KANK2: variants seen among roughly 807,000 people sequenced by gnomAD.
KANK2 encodes KN motif and ankyrin repeat domain-containing protein 2.
Under a neutral mutation model 74.6 loss-of-function variants are expected in KANK2, and 41 were observed. The observed-to-expected ratio is 0.55, with a 90% CI of 0.43 to 0.71. KANK2 has a LOEUF of 0.71. KANK2 is among the 30% of genes least tolerant of loss of function. The probability of loss-of-function intolerance (pLI) is 0.00; values close to 1 mark genes in which losing one functional copy is unlikely to be tolerated. For synonymous variants in KANK2, 537 were observed against 519.0 expected (o/e 1.03, Z -0.47); for missense variants, 1,148 against 1,196.4 (o/e 0.96, Z 0.60).
chr19:11,190,141 C>CT (rs2078798915), intron 4 of KANK2, among the ~76,000 whole-genome samples: 1 of 1,806 alleles, frequency 5.5e-4, no homozygotes, highest in African/African-American at 2.6e-3. Context: ...TTTTTCTTTT[C>CT]TTTTCTTTTT....
chr19:11,171,846 TA>T (rs201648567), intron 10 of KANK2, among the ~76,000 whole-genome samples: 23 of 148,144 alleles, frequency 1.6e-4, no homozygotes, highest in South Asian at 2.1e-4. Context: ...AATTTTTATA[TA>T]TTTTTTTTAG....
intron 4 of KANK2, among the ~76,000 whole-genome samples, chr19:11,187,008 A>G (rs1445126630): frequency 6.6e-6 from 1 of 152,160 alleles, no homozygotes; most frequent in African/African-American, 2.4e-5. Context: ...CTGTAATCCC[A>G]GAACTTTGGG....
chr19:11,170,212 C>T lies in KANK2; in HGVS notation c.2248G>A (p.Gly750Arg), dbSNP rs778884324. Reference protein sequence around the residue: ...QTALMLAVSHGRVDVVKALLA... With the variant: ...QTALMLAVSHRRVDVVKALLA... ...AGGGCTTTGACAACGTCCACCCGCC[C>T]GTGGCTGACGGCCAGCATCAGGGCC... The change falls in exon 11 of 13, where the codon GGG becomes AGG. Residue 750 changes from glycine (G) to arginine (R), a missense_variant. Physicochemically the swap from Gly to Arg is moderately radical, Grantham distance 125. Coordinates refer to ENST00000586659, the MANE Select transcript of KANK2 (RefSeq NM_001136191.3). The surrounding 1 kb of genome is among the most constrained non-coding windows in gnomAD (Gnocchi z 5.2). The T allele has an allele frequency of 8.8e-5, 141 of 1,610,716 alleles. No homozygotes were observed. The highest frequency in any genetic ancestry group is 3.3e-4 in the Middle Eastern group (2 of 6,084).
chr19:11,178,599 G>A lies in KANK2; in HGVS notation c.1371C>T (p.Pro457=), dbSNP rs1480245499. Residue 457 remains proline, a synonymous_variant, in exon 5 of 13, where the codon CCC becomes CCT. Transcript: ENST00000586659. The part of the protein sequence containing the change: ...VPTQEPTHRE[P]TRQAASQESE... ...ACTCTTGGGAGGCTGCTTGCCTGGTGGGCTCCCTGTGGGTGGGCTCCTGGG... is the reference window on the plus strand; with the variant it reads ...ACTCTTGGGAGGCTGCTTGCCTGGTAGGCTCCCTGTGGGTGGGCTCCTGGG... 1 of 1,604,194 alleles carries A rather than the reference G, an allele frequency of 6.2e-7. No homozygotes were observed.
rs760464833 is a variant in KANK2, at chr19:11,166,618, CAG to C, written c.2503-9_2503-8del. ...CATCTGACATTGGGGCAAACTGAAA[CAG>C]AGAAGCAGAATTCTTTTTGTTTGGG... On this transcript the variant is annotated splice_region_variant and splice_polypyrimidine_tract_variant and intron_variant, in intron 12 of 12. Coordinates refer to ENST00000586659, the MANE Select transcript of KANK2 (RefSeq NM_001136191.3). 116 of 1,614,060 alleles carry C rather than the reference CAG, an allele frequency of 7.2e-5. No homozygotes were observed. The South Asian group carries it at 1.2e-3, about 16-fold the overall frequency.
rs755394111 is a variant in KANK2 at position 11,193,003 on chromosome 19, A to G, written c.1077T>C (p.Pro359=). The G allele has an allele frequency of 6.2e-7, 1 of 1,613,606 alleles. No homozygotes were observed. Among genetic ancestry groups the G allele is most frequent in the African/African-American group, 1.3e-5 (1 of 74,934 alleles). Residue 359 remains proline (P), a synonymous_variant, in exon 4 of 13, where the codon CCT becomes CCC. Transcript: ENST00000586659. The surrounding 1 kb of genome is among the most constrained non-coding windows in gnomAD (Gnocchi z 9.6). Reference sequence around the variant, plus strand: ...CCAGGGCCCTCAGCCCTGTGCCGTAAGGCTCCAGGCTCTGGGCCCGCTGTG... The same window carrying G: ...CCAGGGCCCTCAGCCCTGTGCCGTAGGGCTCCAGGCTCTGGGCCCGCTGTG... ...APAQRAQSLE[P]YGTGLRALAM... is the part of the protein sequence containing the mutation.
intron 12 of KANK2, 149 bp from the exon 13 acceptor site, chr19:11,166,760 C>A (rs1269149890): frequency 1.1e-5 from 8 of 696,118 alleles, no homozygotes; most frequent in Non-Finnish European, 1.8e-5. Flanking sequence ...GGGGGCACCG[C>A]CTTGAAGAAG....
In KANK2 at chr19:11,174,957, CT is replaced by C. The variant is rs573242892; in HGVS notation, c.1849-266del. Among the ~76,000 whole-genome samples the C allele has an allele frequency of 0.11, 15,556 of 140,610 alleles. 1,366 individuals are homozygous for C. Among genetic ancestry groups the C allele is most frequent in the African/African-American group, 0.26 (10,061 of 38,002 alleles). The allele number at this position is 140,610 out of a possible 152,430, so 92.2% of individuals were successfully genotyped here. On this transcript the variant is annotated intron_variant, in intron 8 of 12. Coordinates refer to ENST00000586659, the MANE Select transcript of KANK2 (RefSeq NM_001136191.3). ...CCCTGGATATAATTTCTCTCTCTCT[CT>C]TTTTTTTTTTTTTTTGTGAGACAGA... is the stretch of plus-strand genomic sequence containing the variant.
chr19:11,185,790 C>G (rs75404143), intron 4 of KANK2, among the ~76,000 whole-genome samples: 4,096 of 133,440 alleles, frequency 0.031, 379 homozygotes, highest in African/African-American at 0.1. Flanking sequence ...CATTTATAAT[C>G]CCAGGGCTTT....
chr19:11,178,694 A>C lies in KANK2; in HGVS notation c.1276T>G (p.Ser426Ala). Residue 426 changes from serine (S) to alanine (A), a missense_variant, in exon 5 of 13, where the codon TCT (serine) becomes GCT (alanine). Transcript: ENST00000586659. ...AGLPEVPAES[S>A]SSPPGSEVAS... The stretch of plus-strand genomic sequence containing the variant: ...ACCTCGGACCCCGGGGGTGACGAAG[A>C]CGATTCGGCAGGAACTTCTGGGAGG... 6.5e-7 allele frequency: 1 copy of C among 1,538,002 alleles called. No homozygotes were observed. The highest frequency in any genetic ancestry group is 8.7e-7 in the Non-Finnish European group (1 of 1,147,892).
intron 9 of KANK2, 122 bp from the exon 10 acceptor site, chr19:11,173,245 G>A: frequency 9.8e-7 from 1 of 1,018,740 alleles, no homozygotes; most frequent in Non-Finnish European, 1.4e-6. Context: ...TTTTCTCAGA[G>A]GACCCCACTC....
chr19:11,191,022 T>A (rs1310013641), intron 4 of KANK2, among the ~76,000 whole-genome samples: 1 of 141,104 alleles, frequency 7.1e-6, no homozygotes, highest in South Asian at 2.4e-4. Context: ...TGAGCCACCG[T>A]GCCCAGCCAG....
intron 6 of KANK2, 152 bp downstream of exon 6, chr19:11,178,193 G>T: frequency 1.4e-6 from 1 of 730,782 alleles, no homozygotes; most frequent in Non-Finnish European, 2.0e-6. Context: ...GCCTTCCTAT[G>T]CCTCAGTTTC....
chr19:11,186,391 A>G lies in KANK2; in HGVS notation c.1249+6440T>C, dbSNP rs141263286. On this transcript the variant is annotated intron_variant, in intron 4 of 12. Transcript: ENST00000586659. ...AAACAGAGCAAGACTCTGTCTCAAC[A>G]AATAAAAAAAGAAAGAAAGAAGAGG... 1.0e-3 allele frequency among the ~76,000 whole-genome samples: 150 copies of G among 149,172 alleles called. 2 individuals carry two copies. In the South Asian group the frequency reaches 0.018, roughly 18 times the overall value.
At position 11,166,482 on chromosome 19, in the gene KANK2, A is replaced by G; in HGVS notation, c.*76T>C. ...GGAGTGTGAGTGGGGTGGGCCAGGG[A>G]GGAACGGGAACAGGGAGGAGACGGG... On this transcript the variant is annotated 3_prime_UTR_variant, in exon 13 of 13. Transcript: ENST00000586659. 5 of 1,372,638 alleles carry G rather than the reference A, an allele frequency of 3.6e-6. No homozygotes were observed. The Admixed American group carries it at 6.7e-5, about 19-fold the overall frequency. The allele number at this position is 1,372,638 out of a possible 1,614,324, so 85.0% of individuals were successfully genotyped here. A position where few individuals can be genotyped will look rare whatever the true frequency, so the allele number is the denominator to read the frequency against.
chr19:11,184,873 G>A (rs767045284), intron 4 of KANK2, among the ~76,000 whole-genome samples: 4 of 146,664 alleles, frequency 2.7e-5, no homozygotes, highest in Non-Finnish European at 4.5e-5. Context: ...GGGCAATGGC[G>A]TGATCTCAGC....
At chr19:11,189,603 C>CAAAAAAAAA (rs56203270) in intron 4 of KANK2, among the ~76,000 whole-genome samples, 4 of 43,140 alleles carry the variant, frequency 9.3e-5, no homozygotes, top group Non-Finnish European at 1.2e-4. Context: ...GACTCTGTCT[C>CAAAAAAAAA]AAAAAAAAAA....
chr19:11,184,708 T>C lies in KANK2; in HGVS notation c.1250-5988A>G, dbSNP rs1262927310. 4.5e-5 allele frequency among the ~76,000 whole-genome samples: 6 copies of C among 134,052 alleles called. 1 individual carries two copies. Among genetic ancestry groups the C allele is most frequent in the South Asian group, 5.4e-4 (2 of 3,732 alleles). 87.9% of individuals were successfully genotyped at this position (134,052 alleles called of 152,430 possible). A position where few individuals can be genotyped will look rare whatever the true frequency, so the allele number is the denominator to read the frequency against. On this transcript the variant is annotated intron_variant, in intron 4 of 12. Transcript: ENST00000586659. ...TTGAGACAGGGCAAGACTCTACTTT[T>C]TTTTTAATGTGAAAAAAAAAAATCA...
chr19:11,177,783 C>A (rs1002194807), intron 6 of KANK2, among the ~76,000 whole-genome samples: 2 of 152,158 alleles, frequency 1.3e-5, no homozygotes, highest in South Asian at 4.1e-4. Flanking sequence ...CCCAAACCAA[C>A]CATCACTCCC....
Sources: gnomAD v4.1 joint callset for allele counts (sites outside exome capture counted in the v4.1 genomes callset) on GRCh38, gnomAD v4.1.1 for gene constraint, Gnocchi (gnomAD v3.1) non-coding constraint, MANE v1.5 for transcripts, NCBI Gene and HGNC (gene_info 2026-07-23, HGNC 2026-07-21) for gene names.